Variants in PPFIA2 observed in about 807,000 individuals in gnomAD.
PPFIA2 encodes the protein liprin-alpha-2.
Under a neutral mutation model 175.5 loss-of-function variants are expected in PPFIA2, and 46 were observed. That is an observed-to-expected ratio of 0.26 (90% CI 0.21 to 0.34). The LOEUF (loss-of-function observed/expected upper bound fraction) is 0.34, where lower values mean the gene tolerates loss of function less well. PPFIA2 is among the 10% of genes least tolerant of loss of function. PPFIA2 has a pLI of 1.00. For missense variants in PPFIA2, 1,179 were observed against 1,506.1 expected, an observed-to-expected ratio of 0.78 and a Z score of 3.60; for synonymous variants, 568 against 511.4, an observed-to-expected ratio of 1.11 and a Z score of -1.49.
At chr12:81,527,008 G>T (rs2063807725) in intron 4 of PPFIA2, among the ~76,000 whole-genome samples, 1 of 152,154 alleles carries the variant, frequency 6.6e-6, no homozygotes, top group Non-Finnish European at 1.5e-5. Context: ...CCAATACCAA[G>T]ATGGTGGGAA....
intron 28 of PPFIA2, among the ~76,000 whole-genome samples, chr12:81,275,967 G>A (rs201594496): frequency 3.3e-5 from 5 of 151,930 alleles, no homozygotes; most frequent in South Asian, 2.1e-4. Context: ...TGTATTTTTA[G>A]TAGAAACAGG....
At chr12:81,686,760 C>T (rs921496879) in intron 3 of PPFIA2, among the ~76,000 whole-genome samples, 18 of 152,158 alleles carry the variant, frequency 1.2e-4, no homozygotes, top group African/African-American at 4.3e-4. Context: ...CTCTGGTATG[C>T]ATATTCCAAT....
At chr12:81,597,484 G>A (rs1218318109) in intron 4 of PPFIA2, among the ~76,000 whole-genome samples, 1 of 151,974 alleles carries the variant, frequency 6.6e-6, no homozygotes, top group Non-Finnish European at 1.5e-5. Context: ...ATACACATAA[G>A]AAAATTAAAT....
intron 7 of PPFIA2, among the ~76,000 whole-genome samples, chr12:81,415,651 A>C (rs2045087501): frequency 6.6e-6 from 1 of 150,802 alleles, no homozygotes; most frequent in Non-Finnish European, 1.5e-5. Flanking sequence ...AGTAACTGGA[A>C]TGCAAAACTG....
At chr12:81,431,577 G>T (rs1001698374) in intron 7 of PPFIA2, among the ~76,000 whole-genome samples, 3 of 151,932 alleles carry the variant, frequency 2.0e-5, no homozygotes, top group Admixed American at 6.6e-5. Context: ...ATTTATATTT[G>T]CCATTACTAA....
At chr12:81,339,117 G>C (rs2057612650) in intron 21 of PPFIA2, 63 bp downstream of exon 21, 2 of 1,329,398 alleles carry the variant, frequency 1.5e-6, no homozygotes, top group South Asian at 3.7e-5. Flanking sequence ...ATGAAAGATA[G>C]ATGGATACTG....
intron 28 of PPFIA2, among the ~76,000 whole-genome samples, chr12:81,276,498 G>T (rs2040570473): frequency 6.6e-6 from 1 of 151,212 alleles, no homozygotes; most frequent in Admixed American, 6.6e-5. Flanking sequence ...AAATAGAACG[G>T]TCTCTAAGAA....
rs557702525 is a variant in PPFIA2 at position 81,397,714 on chromosome 12, A to G, written c.762+8073T>C. Among the ~76,000 whole-genome samples the G allele has an allele frequency of 4.2e-4, 64 of 152,192 alleles. No individual in the cohort carries two copies. In the South Asian group the frequency reaches 0.013, roughly 30 times the overall value. ...GGTGCCCACGTTCCAAGCCATGGAC[A>G]TGTACTGGTCTGTGGCCTGTTTGGG... is the stretch of plus-strand genomic sequence containing the variant. On this transcript the variant is annotated intron_variant, in intron 8 of 32. Coordinates refer to ENST00000549396, the MANE Select transcript of PPFIA2 (RefSeq NM_003625.5).
intron 3 of PPFIA2, among the ~76,000 whole-genome samples, chr12:81,700,435 A>G (rs1262558287): frequency 6.6e-6 from 1 of 152,152 alleles, no homozygotes; most frequent in Non-Finnish European, 1.5e-5. Context: ...TCTACCAAAT[A>G]TAAAATCTGT....
At position 81,365,320 on chromosome 12, in the gene PPFIA2, C is replaced by G. The variant is rs577575630; in HGVS notation, c.1545+1788G>C. ...GATGTGGTCAGATTAGTGAATGTGCCCATCTAAATGGGATGATAGTTCAGA... is the reference window on the plus strand; with the variant it reads ...GATGTGGTCAGATTAGTGAATGTGCGCATCTAAATGGGATGATAGTTCAGA... On this transcript the variant is annotated intron_variant, in intron 14 of 32. Coordinates refer to ENST00000549396, the MANE Select transcript of PPFIA2 (RefSeq NM_003625.5). 2.5e-3 allele frequency among the ~76,000 whole-genome samples: 377 copies of G among 151,780 alleles called. 1 individual carries two copies. Among genetic ancestry groups the G allele is most frequent in the African/African-American group, 8.4e-3 (348 of 41,452 alleles).
chr12:81,498,093 C>T (rs116286546), intron 4 of PPFIA2, among the ~76,000 whole-genome samples: 2,080 of 152,232 alleles, frequency 0.014, 48 homozygotes, highest in African/African-American at 0.047. Flanking sequence ...AGAAAGCAAG[C>T]TGTAGTCTGT....
At chr12:81,392,451 C>A (rs1289637612) in intron 8 of PPFIA2, among the ~76,000 whole-genome samples, 1 of 151,822 alleles carries the variant, frequency 6.6e-6, no homozygotes, top group Non-Finnish European at 1.5e-5. Context: ...ATGTTTTCTG[C>A]AAGCAGCTAT....
At chr12:81,423,263 G>A (rs1225774443) in intron 7 of PPFIA2, among the ~76,000 whole-genome samples, 2 of 152,030 alleles carry the variant, frequency 1.3e-5, no homozygotes, top group African/African-American at 4.8e-5. Flanking sequence ...TAAAAGGTCA[G>A]GATCCCCTAA....
intron 4 of PPFIA2, among the ~76,000 whole-genome samples, chr12:81,494,135 C>T (rs1382047597): frequency 1.3e-5 from 2 of 151,946 alleles, no homozygotes; most frequent in East Asian, 3.9e-4. Context: ...GCAAAAGAAA[C>T]TACCATCAGA....
At chr12:81,503,010 T>C (rs1326263981) in intron 4 of PPFIA2, among the ~76,000 whole-genome samples, 1 of 151,990 alleles carries the variant, frequency 6.6e-6, no homozygotes, top group African/African-American at 2.4e-5. Context: ...GAAAGAGAAT[T>C]CAACTTCACT....
chr12:81,738,999 G>C (rs2081999816), intron 3 of PPFIA2, among the ~76,000 whole-genome samples: 1 of 151,752 alleles, frequency 6.6e-6, no homozygotes, highest in Admixed American at 6.6e-5. Context: ...AGAAATAAAT[G>C]GGTCACTTCA....
chr12:81,415,211 ATATATATATATATATATATATATAT>A (rs1195713850), intron 7 of PPFIA2, among the ~76,000 whole-genome samples: 2 of 8,844 alleles, frequency 2.3e-4, no homozygotes, highest in South Asian at 6.6e-3. Context: ...AAAAAAAAAA[ATATATATATATATATATATATATAT>A]ATATATATAT....
intron 3 of PPFIA2, among the ~76,000 whole-genome samples, chr12:81,730,370 G>A (rs1380844186): frequency 6.6e-6 from 1 of 151,606 alleles, no homozygotes. Flanking sequence ...CCACATTGCT[G>A]GGGAGGCCTC....
intron 9 of PPFIA2, among the ~76,000 whole-genome samples, chr12:81,382,939 G>A (rs931194925): frequency 6.6e-6 from 1 of 152,068 alleles, no homozygotes; most frequent in Non-Finnish European, 1.5e-5. Flanking sequence ...AGAAATAGAA[G>A]CAGTAAAGGA....
Sources: gnomAD v4.1 joint callset for allele counts (sites outside exome capture counted in the v4.1 genomes callset) on GRCh38, gnomAD v4.1.1 for gene constraint, MANE v1.5 for transcripts, NCBI Gene and HGNC (gene_info 2026-07-23, HGNC 2026-07-21) for gene names.